Variants in RPS6KC1 observed in about 807,000 individuals in gnomAD.
RPS6KC1 encodes inactive ribosomal protein S6 kinase delta-1.
In RPS6KC1, 54 loss-of-function variants were observed where a neutral mutation model predicts 103.8. The observed-to-expected ratio is 0.52, with a 90% CI of 0.42 to 0.65. The LOEUF (loss-of-function observed/expected upper bound fraction) is 0.65. Ranked by LOEUF, RPS6KC1 falls within the 30% of genes least tolerant of loss-of-function variation. The probability of loss-of-function intolerance (pLI) is 0.00; values close to 1 mark genes in which losing one functional copy is unlikely to be tolerated. For missense variants in RPS6KC1, 1,151 were observed against 1,253.8 expected (o/e 0.92, Z 1.24); for synonymous variants, 439 against 438.7 (o/e 1.00, Z -0.01).
At chr1:213,225,982 GGGATGCCGAGGC>G (rs2093951110) in intron 8 of RPS6KC1, among the ~76,000 whole-genome samples, 1 of 151,432 alleles carries the variant, frequency 6.6e-6, no homozygotes. Context: ...CCAGCACTTT[GGGATGCCGAGGC>G]GGGCGGATCA....
At chr1:213,854,910 G>A in the RPS6KC1 span, among the ~76,000 whole-genome samples, 1 of 152,190 alleles carries the variant, frequency 6.6e-6, no homozygotes, top group South Asian at 2.1e-4. Context: ...GTGTGGCTTA[G>A]CCACAGAAAT....
chr1:213,787,403 G>T, the RPS6KC1 span, among the ~76,000 whole-genome samples: 1 of 152,306 alleles, frequency 6.6e-6, no homozygotes, highest in East Asian at 1.9e-4. Context: ...CTTCAAGGAG[G>T]TGCTATTAAT....
At chr1:213,792,684 G>T in the RPS6KC1 span, among the ~76,000 whole-genome samples, 3 of 152,136 alleles carry the variant, frequency 2.0e-5, no homozygotes, top group African/African-American at 7.2e-5. Context: ...GAATGGTATA[G>T]CACAGTACTC....
intron 2 of RPS6KC1, 30 bp from the exon 3 acceptor site, chr1:213,077,666 G>T (rs755022346): frequency 3.0e-6 from 4 of 1,324,006 alleles, no homozygotes; most frequent in Non-Finnish European, 4.1e-6. Context: ...AAATGGTTAT[G>T]AGATACATGT....
chr1:213,443,906 A>C, the RPS6KC1 span, among the ~76,000 whole-genome samples: 2 of 151,794 alleles, frequency 1.3e-5, no homozygotes, highest in Non-Finnish European at 2.9e-5. Flanking sequence ...GTCTCAAAAA[A>C]AAAGAGAAGT....
chr1:213,129,490 A>G (rs750930682), intron 5 of RPS6KC1, 37 bp from the exon 6 acceptor site: 6 of 1,530,862 alleles, frequency 3.9e-6, no homozygotes, highest in Non-Finnish European at 5.3e-6. Context: ...CTGATTCTCA[A>G]TTTAATATCT....
intron 6 of RPS6KC1, among the ~76,000 whole-genome samples, chr1:213,131,190 T>C (rs1353240913): frequency 2.0e-5 from 3 of 152,116 alleles, no homozygotes; most frequent in African/African-American, 4.8e-5. Context: ...TAAGAGGAGA[T>C]GGAGTCTTGT....
chr1:213,832,004 C>T, the RPS6KC1 span, among the ~76,000 whole-genome samples: 1 of 152,284 alleles, frequency 6.6e-6, no homozygotes, highest in South Asian at 2.1e-4. Flanking sequence ...TCTAGTGGAC[C>T]TAAACTTGAC....
chr1:213,636,107 G>C, the RPS6KC1 span, among the ~76,000 whole-genome samples: 21,324 of 151,966 alleles, frequency 0.14, 2,333 homozygotes, highest in African/African-American at 0.31. Flanking sequence ...CACTGCTCAA[G>C]GAAATAAAAG....
At chr1:213,491,126 G>A in the RPS6KC1 span, among the ~76,000 whole-genome samples, 50 of 152,242 alleles carry the variant, frequency 3.3e-4, no homozygotes, top group African/African-American at 1.0e-3. Context: ...TTGTTAAAAC[G>A]CTACTCTTAT....
chr1:213,483,065 A>G, the RPS6KC1 span, among the ~76,000 whole-genome samples: 1 of 152,200 alleles, frequency 6.6e-6, no homozygotes, highest in African/African-American at 2.4e-5. Context: ...ATACATTTTA[A>G]GCAAAATTTT....
the RPS6KC1 span, among the ~76,000 whole-genome samples, chr1:213,808,227 G>T: frequency 1.3e-5 from 2 of 152,176 alleles, no homozygotes; most frequent in African/African-American, 4.8e-5. Context: ...AGGGGTCAGG[G>T]GTCAGGGACC....
At chr1:213,061,289 A>G (rs561848589) in intron 1 of RPS6KC1, among the ~76,000 whole-genome samples, 6 of 152,348 alleles carry the variant, frequency 3.9e-5, no homozygotes, top group African/African-American at 1.4e-4. Context: ...TTGAATGTCT[A>G]AAATTTGTCC....
At chr1:213,078,662 A>G (rs546056092) in intron 3 of RPS6KC1, among the ~76,000 whole-genome samples, 2 of 152,308 alleles carry the variant, frequency 1.3e-5, no homozygotes, top group East Asian at 3.9e-4. Flanking sequence ...TTGACCTCCC[A>G]AAGTGCTGGG....
At chr1:213,636,418 A>G in the RPS6KC1 span, among the ~76,000 whole-genome samples, 2 of 152,214 alleles carry the variant, frequency 1.3e-5, no homozygotes, top group Admixed American at 1.3e-4. Context: ...AAAACAGTAT[A>G]TATAGACCAA....
intron 1 of RPS6KC1, among the ~76,000 whole-genome samples, chr1:213,068,962 G>T (rs2078618387): frequency 6.6e-6 from 1 of 151,750 alleles, no homozygotes; most frequent in Non-Finnish European, 1.5e-5. Context: ...AGAGGCTGAG[G>T]TGGGAGGATC....
At chr1:213,632,421 C>T in the RPS6KC1 span, among the ~76,000 whole-genome samples, 1 of 152,158 alleles carries the variant, frequency 6.6e-6, no homozygotes, top group African/African-American at 2.4e-5. Context: ...AGTGGACATC[C>T]AGCAAACTCC....
At chr1:213,097,960 G>A (rs1229277815) in intron 3 of RPS6KC1, among the ~76,000 whole-genome samples, 2 of 152,190 alleles carry the variant, frequency 1.3e-5, no homozygotes, top group African/African-American at 2.4e-5. Context: ...GAATGTTGGG[G>A]CTGGTTTACT....
chr1:213,500,295 A>G, the RPS6KC1 span, among the ~76,000 whole-genome samples: 1 of 152,200 alleles, frequency 6.6e-6, no homozygotes, highest in Admixed American at 6.5e-5. Context: ...AGGATCACCA[A>G]TATCACCATC....
Sources: gnomAD v4.1 joint callset for allele counts (sites outside exome capture counted in the v4.1 genomes callset) on GRCh38, gnomAD v4.1.1 for gene constraint, MANE v1.5 for transcripts, NCBI Gene and HGNC (gene_info 2026-07-23, HGNC 2026-07-21) for gene names.